Variants in MAGI2 observed in about 807,000 individuals in gnomAD.
MAGI2 encodes the protein membrane-associated guanylate kinase, WW and PDZ domain-containing protein 2.
A neutral mutation model predicts 133.3 loss-of-function variants in MAGI2; 35 were observed. That is an observed-to-expected ratio of 0.26 (90% CI 0.20 to 0.35). The LOEUF (loss-of-function observed/expected upper bound fraction) is 0.35, where lower values mean the gene tolerates loss of function less well. Among genes scored for constraint, MAGI2 ranks in the 10% least tolerant of loss-of-function variants. The pLI is 1.00. For missense variants in MAGI2, 1,636 were observed against 1,863.4 expected (o/e 0.88, Z 2.25); for synonymous variants, 729 against 710.6 (o/e 1.03, Z -0.41).
chr7:79,426,040 C>T lies in MAGI2; in HGVS notation c.301+26980G>A, dbSNP rs138927491. On this transcript the variant is annotated intron_variant, in intron 1 of 21. Transcript: ENST00000354212. ...GAATCTAATCGGATGGTCTTCGAAA[C>T]ATTATACGTATTTGTCTTGATCCCA... 1.1e-4 allele frequency among the ~76,000 whole-genome samples: 16 copies of T among 152,270 alleles called. No individual in the cohort carries two copies. The East Asian group carries it at 2.7e-3, about 26-fold the overall frequency.
At chr7:78,527,268 A>G (rs1563125696) in intron 3 of MAGI2, among the ~76,000 whole-genome samples, 1 of 152,160 alleles carries the variant, frequency 6.6e-6, no homozygotes, top group Non-Finnish European at 1.5e-5. Context: ...AGGTCATCTG[A>G]AAGCAGTGAG....
chr7:79,064,506 A>C (rs1329880141), intron 1 of MAGI2, among the ~76,000 whole-genome samples: 4 of 152,058 alleles, frequency 2.6e-5, no homozygotes, highest in Non-Finnish European at 4.4e-5. Flanking sequence ...TGTCTATATA[A>C]TGATTTTCAG....
At chr7:79,049,132 C>A (rs532540942) in intron 1 of MAGI2, among the ~76,000 whole-genome samples, 1 of 151,810 alleles carries the variant, frequency 6.6e-6, no homozygotes, top group Non-Finnish European at 1.5e-5. Flanking sequence ...TGTTACTCAT[C>A]CACAAAGGAA....
chr7:79,029,212 T>C (rs560189760), intron 1 of MAGI2, among the ~76,000 whole-genome samples: 7 of 152,140 alleles, frequency 4.6e-5, no homozygotes, highest in Non-Finnish European at 8.8e-5. Flanking sequence ...TCAAGGATAA[T>C]ATCTAATTGC....
intron 1 of MAGI2, among the ~76,000 whole-genome samples, chr7:79,046,541 A>G (rs1320294878): frequency 6.6e-6 from 1 of 152,216 alleles, no homozygotes; most frequent in East Asian, 1.9e-4. Flanking sequence ...TAATGCTTTG[A>G]ACCTAAGAAA....
At chr7:78,729,308 G>A (rs749745483) in intron 2 of MAGI2, among the ~76,000 whole-genome samples, 3 of 152,168 alleles carry the variant, frequency 2.0e-5, no homozygotes, top group Non-Finnish European at 4.4e-5. Flanking sequence ...CACATTAGGG[G>A]TTCAGCAAAT....
chr7:78,687,863 G>T (rs957444806), intron 2 of MAGI2, among the ~76,000 whole-genome samples: 2 of 150,678 alleles, frequency 1.3e-5, no homozygotes, highest in Non-Finnish European at 3.0e-5. Flanking sequence ...CCAGCTACTC[G>T]GGAGGCGAAG....
chr7:78,249,217 T>C (rs181097009), intron 10 of MAGI2, among the ~76,000 whole-genome samples: 1 of 152,176 alleles, frequency 6.6e-6, no homozygotes, highest in Admixed American at 6.5e-5. Context: ...AGATAACAAG[T>C]GTCGGCGAGG....
chr7:79,154,479 C>A (rs1823571519), intron 1 of MAGI2, among the ~76,000 whole-genome samples: 2 of 152,154 alleles, frequency 1.3e-5, no homozygotes, highest in South Asian at 4.1e-4. Context: ...GGAAGGGCAT[C>A]ACCTCCTAGA....
intron 9 of MAGI2, among the ~76,000 whole-genome samples, chr7:78,280,169 T>G (rs1053633739): frequency 6.6e-6 from 1 of 152,126 alleles, no homozygotes; most frequent in Non-Finnish European, 1.5e-5. Context: ...GGTGTCCTGA[T>G]GCTGCAGGAT....
chr7:78,255,805 T>G, intron 10 of MAGI2, 138 bp downstream of exon 10: 268 of 823,918 alleles, frequency 3.3e-4, no homozygotes, highest in Non-Finnish European at 4.5e-4. Context: ...ATTCATGTTT[T>G]TCTCTCTCAC....
At chr7:79,445,262 C>T (rs1848768019) in intron 1 of MAGI2, among the ~76,000 whole-genome samples, 1 of 152,144 alleles carries the variant, frequency 6.6e-6, no homozygotes, top group South Asian at 2.1e-4. Flanking sequence ...GGGGCAAGGA[C>T]TTCATGTCTA....
intron 6 of MAGI2, among the ~76,000 whole-genome samples, chr7:78,445,865 A>T (rs903900786): frequency 1.3e-5 from 2 of 151,916 alleles, no homozygotes; most frequent in African/African-American, 4.8e-5. Flanking sequence ...TCTTCTTCAT[A>T]CAATTTTTTT....
At chr7:79,340,058 T>C (rs1840774801) in intron 1 of MAGI2, among the ~76,000 whole-genome samples, 1 of 152,134 alleles carries the variant, frequency 6.6e-6, no homozygotes, top group Admixed American at 6.6e-5. Context: ...GATACGGTTA[T>C]TCTTTTCTGT....
At chr7:78,319,990 T>C (rs959599449) in intron 9 of MAGI2, among the ~76,000 whole-genome samples, 8 of 152,110 alleles carry the variant, frequency 5.3e-5, no homozygotes, top group Non-Finnish European at 1.2e-4. Flanking sequence ...GAGAATACTA[T>C]AAACACCTCT....
At chr7:78,806,148 C>G (rs958922628) in intron 2 of MAGI2, among the ~76,000 whole-genome samples, 1 of 152,006 alleles carries the variant, frequency 6.6e-6, no homozygotes, top group Non-Finnish European at 1.5e-5. Flanking sequence ...ATAAGTGATA[C>G]TGCTTATAGA....
chr7:78,823,596 A>AG (rs1790357573), intron 2 of MAGI2, among the ~76,000 whole-genome samples: 1 of 151,634 alleles, frequency 6.6e-6, no homozygotes, highest in African/African-American at 2.4e-5. Context: ...AAAAAAAAAA[A>AG]AAAAAAGAAA....
intron 1 of MAGI2, among the ~76,000 whole-genome samples, chr7:79,316,650 C>G (rs763710145): frequency 6.6e-6 from 1 of 152,186 alleles, no homozygotes; most frequent in Admixed American, 6.5e-5. Context: ...TATCCTGTCC[C>G]TCCATCCTCT....
intron 3 of MAGI2, among the ~76,000 whole-genome samples, chr7:78,522,549 T>C (rs893268991): frequency 6.6e-6 from 1 of 152,056 alleles, no homozygotes; most frequent in Non-Finnish European, 1.5e-5. Context: ...CTGGCTAATT[T>C]TTGTATTTTT....
Sources: gnomAD v4.1 joint callset for allele counts (sites outside exome capture counted in the v4.1 genomes callset) on GRCh38, gnomAD v4.1.1 for gene constraint, MANE v1.5 for transcripts, NCBI Gene and HGNC (gene_info 2026-07-23, HGNC 2026-07-21) for gene names.